Variants in CLEC4A observed in about 807,000 individuals in gnomAD.
The protein encoded by CLEC4A is C-type (calcium dependent, carbohydrate-recognition domain) lectin, superfamily member 6.
CLEC4A carries 27 observed loss-of-function variants against 32.7 expected under a neutral mutation model. The ratio of observed to expected loss-of-function variants is 0.83; its 90% CI spans 0.61 to 1.14. The LOEUF (loss-of-function observed/expected upper bound fraction) is 1.14. CLEC4A is among the 50% of genes most tolerant of loss of function. The pLI, the probability that CLEC4A is intolerant of heterozygous loss-of-function variation, is 0.00. For missense variants in CLEC4A, 253 were observed against 274.6 expected (o/e 0.92, Z 0.55); for synonymous variants, 89 against 93.7 (o/e 0.95, Z 0.29).
the CLEC4A span, among the ~76,000 whole-genome samples, chr12:8,112,860 A>G: frequency 6.6e-6 from 1 of 152,378 alleles, no homozygotes. Context: ...CTCCAAACTT[A>G]CATACACAGA....
At chr12:8,125,243 C>T (rs933775033) in intron 1 of CLEC4A, among the ~76,000 whole-genome samples, 1 of 151,832 alleles carries the variant, frequency 6.6e-6, no homozygotes, top group Non-Finnish European at 1.5e-5. Context: ...GTATGTCAAT[C>T]GTGGGAAAAT....
intron 4 of CLEC4A, 116 bp downstream of exon 4, chr12:8,135,852 A>G: frequency 9.6e-7 from 1 of 1,040,532 alleles, no homozygotes; most frequent in South Asian, 1.8e-5. Flanking sequence ...GAAGGCTTTC[A>G]ATAAAATAGG....
the CLEC4A span, among the ~76,000 whole-genome samples, chr12:8,113,130 C>A: frequency 8.1e-6 from 1 of 123,148 alleles, no homozygotes; most frequent in Non-Finnish European, 1.6e-5. Flanking sequence ...CCCCACCCCA[C>A]AACAGTCCCC....
At chr12:8,120,166 A>G (rs1271896620), upstream of CLEC4A, among the ~76,000 whole-genome samples, 2 of 152,284 alleles carry the variant, frequency 1.3e-5, no homozygotes, top group East Asian at 3.9e-4. Context: ...GGGGTCCATT[A>G]TGTAGGCATG....
chr12:8,114,640 A>G, the CLEC4A span, among the ~76,000 whole-genome samples: 2 of 152,212 alleles, frequency 1.3e-5, no homozygotes, highest in Non-Finnish European at 2.9e-5. Context: ...GAGAGGTATT[A>G]CTGCTGAACT....
intron 4 of CLEC4A, among the ~76,000 whole-genome samples, chr12:8,136,263 A>G (rs1948114070): frequency 6.6e-6 from 1 of 152,240 alleles, no homozygotes; most frequent in Non-Finnish European, 1.5e-5. Context: ...CATTCTGATC[A>G]TAGAAATTGC....
chr12:8,132,940 A>C (rs1948025814), intron 3 of CLEC4A, among the ~76,000 whole-genome samples: 1 of 151,748 alleles, frequency 6.6e-6, no homozygotes, highest in Admixed American at 6.6e-5. Context: ...TTTCAGACGA[A>C]GTCTCGCTCT....
the CLEC4A span, among the ~76,000 whole-genome samples, chr12:8,115,991 C>T: frequency 6.6e-6 from 1 of 151,932 alleles, no homozygotes; most frequent in Admixed American, 6.6e-5. Flanking sequence ...GAGACAGGGT[C>T]TCACTCTGTC....
intron 5 of CLEC4A, among the ~76,000 whole-genome samples, chr12:8,137,591 C>T (rs1591613854): frequency 2.0e-5 from 3 of 152,064 alleles, no homozygotes; most frequent in East Asian, 1.9e-4. Flanking sequence ...TACTGGATTA[C>T]CACCTTCGAT....
chr12:8,118,103 G>A, the CLEC4A span, among the ~76,000 whole-genome samples: 1 of 152,074 alleles, frequency 6.6e-6, no homozygotes, highest in Non-Finnish European at 1.5e-5. Flanking sequence ...AGACAAGGAG[G>A]CAAGTGGTTA....
intron 2 of CLEC4A, among the ~76,000 whole-genome samples, chr12:8,128,974 C>T (rs1366131377): frequency 6.6e-6 from 1 of 151,884 alleles, no homozygotes; most frequent in Non-Finnish European, 1.5e-5. Context: ...TGCCCTGCAT[C>T]CCCCCACCCC....
At chr12:8,111,716 G>A in the CLEC4A span, among the ~76,000 whole-genome samples, 1 of 152,038 alleles carries the variant, frequency 6.6e-6, no homozygotes, top group African/African-American at 2.4e-5. Context: ...TGTCCTTGTT[G>A]ATAGTAACAT....
At chr12:8,120,882 A>T (rs1356947043), upstream of CLEC4A, 1 of 152,260 alleles carries the variant, frequency 6.6e-6, no homozygotes, top group African/African-American at 2.4e-5. Context: ...CTGTAGACAA[A>T]GTATATTTCC....
At chr12:8,104,680 G>C in the CLEC4A span, among the ~76,000 whole-genome samples, 3 of 152,100 alleles carry the variant, frequency 2.0e-5, no homozygotes, top group African/African-American at 4.8e-5. Context: ...TGTCGCCTGG[G>C]TAATAAGCAT....
the CLEC4A span, among the ~76,000 whole-genome samples, chr12:8,111,153 T>G: frequency 6.6e-6 from 1 of 150,552 alleles, no homozygotes; most frequent in Non-Finnish European, 1.5e-5. Context: ...ATTACAGGTG[T>G]GAGCCACCGC....
At chr12:8,134,543 C>T (rs1591611333) in intron 3 of CLEC4A, 10 of 1,613,752 alleles carry the variant, frequency 6.2e-6, no homozygotes, top group Non-Finnish European at 7.6e-6. Context: ...AGTTGCTCTC[C>T]ACCCCGACTC....
chr12:8,134,153 C>G, intron 3 of CLEC4A: 1 of 1,607,434 alleles, frequency 6.2e-7, no homozygotes, highest in South Asian at 1.1e-5. Context: ...GATACTGGTT[C>G]GCTTTCTCTT....
At chr12:8,103,410 G>A in the CLEC4A span, among the ~76,000 whole-genome samples, 6 of 56,000 alleles carry the variant, frequency 1.1e-4, no homozygotes, top group East Asian at 1.8e-3. Flanking sequence ...TTTTTTAGAC[G>A]GAGTCTCACT....
intron 2 of CLEC4A, among the ~76,000 whole-genome samples, chr12:8,126,061 A>G (rs1591606760): frequency 6.6e-6 from 1 of 152,374 alleles, no homozygotes; most frequent in Non-Finnish European, 1.5e-5. Context: ...TGGGATGAGC[A>G]GGTAGACAAC....
Sources: gnomAD v4.1 joint callset for allele counts (sites outside exome capture counted in the v4.1 genomes callset) on GRCh38, gnomAD v4.1.1 for gene constraint, MANE v1.5 for transcripts, NCBI Gene and HGNC (gene_info 2026-07-23, HGNC 2026-07-21) for gene names.